The following ACAD11 variants were observed in gnomAD, a reference collection of about 807,000 sequenced individuals.
ACAD11 encodes the protein acyl-Coenzyme A dehydrogenase family, member 11.
A neutral mutation model predicts 102.2 loss-of-function variants in ACAD11; 83 were observed. That is an observed-to-expected ratio of 0.81 (90% confidence interval 0.68 to 0.97). The LOEUF (loss-of-function observed/expected upper bound fraction) is 0.97. Among genes scored for constraint, ACAD11 ranks in the 50% least tolerant of loss-of-function variants. The pLI, the probability that ACAD11 is intolerant of heterozygous loss-of-function variation, is 0.00. For synonymous variants in ACAD11, 324 were observed against 319.8 expected, an observed-to-expected ratio of 1.01 and a Z score of -0.14; for missense variants, 901 against 951.7, an observed-to-expected ratio of 0.95 and a Z score of 0.70.
At chr3:132,592,149 A>G (rs1179483219) in intron 13 of ACAD11, among the ~76,000 whole-genome samples, 1 of 152,144 alleles carries the variant, frequency 6.6e-6, no homozygotes, top group Non-Finnish European at 1.5e-5. Flanking sequence ...GTATTTAACA[A>G]TGATGTTTCA....
intron 1 of ACAD11, 154 bp downstream of exon 1, chr3:132,659,449 G>T: frequency 9.5e-7 from 1 of 1,053,630 alleles, no homozygotes; most frequent in Non-Finnish European, 1.3e-6. Context: ...AATTCGGAGG[G>T]CCGGCAATAG....
At chr3:132,592,730 C>A (rs1938131376) in intron 13 of ACAD11, among the ~76,000 whole-genome samples, 1 of 152,168 alleles carries the variant, frequency 6.6e-6, no homozygotes, top group African/African-American at 2.4e-5. Flanking sequence ...ACCTGAACTT[C>A]ATTTGGTTTT....
At chr3:132,586,361 G>C (rs1937824819) in intron 13 of ACAD11, among the ~76,000 whole-genome samples, 1 of 152,152 alleles carries the variant, frequency 6.6e-6, no homozygotes, top group African/African-American at 2.4e-5. Context: ...GGAGGCAGGA[G>C]AGATAGCATT....
intron 14 of ACAD11, 175 bp downstream of exon 14, chr3:132,579,317 G>T: frequency 1.5e-6 from 1 of 646,576 alleles, no homozygotes; most frequent in Non-Finnish European, 2.6e-6. Context: ...TCCCTATAAT[G>T]TTTTCCAAAA....
chr3:132,581,335 T>C (rs1937594403), intron 13 of ACAD11, among the ~76,000 whole-genome samples: 1 of 151,994 alleles, frequency 6.6e-6, no homozygotes, highest in East Asian at 1.9e-4. Context: ...TATTATGTAC[T>C]TTTTCTCAAA....
chr3:132,593,729 A>T (rs1938180163), intron 13 of ACAD11, among the ~76,000 whole-genome samples: 1 of 152,168 alleles, frequency 6.6e-6, no homozygotes, highest in Non-Finnish European at 1.5e-5. Flanking sequence ...ACATAGCAAA[A>T]TGACAGTACA....
intron 13 of ACAD11, among the ~76,000 whole-genome samples, chr3:132,593,322 C>T (rs62291489): frequency 0.029 from 4,404 of 152,020 alleles, 104 homozygotes; most frequent in Non-Finnish European, 0.048. Context: ...GGGCAAAGAA[C>T]ACAATTGCAA....
chr3:132,627,867 G>T (rs1268055066), intron 8 of ACAD11, among the ~76,000 whole-genome samples: 1 of 152,250 alleles, frequency 6.6e-6, no homozygotes, highest in African/African-American at 2.4e-5. Context: ...GTAAGCAATG[G>T]GAATGAAACT....
chr3:132,623,010 A>C (rs546295931), intron 9 of ACAD11, among the ~76,000 whole-genome samples: 1 of 152,210 alleles, frequency 6.6e-6, no homozygotes, highest in Non-Finnish European at 1.5e-5. Flanking sequence ...CCTGTTTTAC[A>C]TGCTATTTTT....
At chr3:132,630,014 G>C (rs1396325428) in intron 7 of ACAD11, among the ~76,000 whole-genome samples, 1 of 151,780 alleles carries the variant, frequency 6.6e-6, no homozygotes, top group Non-Finnish European at 1.5e-5. Flanking sequence ...CTGTATACTA[G>C]ATACTGTGCT....
intron 5 of ACAD11, among the ~76,000 whole-genome samples, chr3:132,639,263 T>C (rs1009988866): frequency 3.3e-5 from 5 of 152,180 alleles, no homozygotes; most frequent in African/African-American, 1.2e-4. Context: ...TTTTAAGCAG[T>C]AAACCAGATA....
chr3:132,611,627 G>C (rs545042730), intron 11 of ACAD11, among the ~76,000 whole-genome samples: 5 of 152,038 alleles, frequency 3.3e-5, no homozygotes, highest in South Asian at 2.1e-4. Flanking sequence ...ATTCACAATT[G>C]CTTCAAAGAG....
chr3:132,566,837 G>C (rs551615923), intron 17 of ACAD11, among the ~76,000 whole-genome samples: 1 of 152,206 alleles, frequency 6.6e-6, no homozygotes, highest in South Asian at 2.1e-4. Flanking sequence ...AAAGAAGAAA[G>C]AACACAATAA....
At chr3:132,638,386 TTAAAA>T (rs1940353058) in intron 5 of ACAD11, among the ~76,000 whole-genome samples, 1 of 152,062 alleles carries the variant, frequency 6.6e-6, no homozygotes, top group Non-Finnish European at 1.5e-5. Context: ...AAACAAAAAG[TTAAAA>T]TAAAAATAGA....
intron 8 of ACAD11, among the ~76,000 whole-genome samples, chr3:132,627,338 T>G (rs1411428090): frequency 6.6e-6 from 1 of 152,178 alleles, no homozygotes; most frequent in African/African-American, 2.4e-5. Flanking sequence ...AATGTGTCTG[T>G]GTGCCTAATT....
chr3:132,579,008 G>A lies in ACAD11; in HGVS notation c.1689-127C>T, dbSNP rs756912274. On this transcript the variant is annotated intron_variant, in intron 14 of 19. Transcript: ENST00000264990. ...CATGTAAGCAGTGATGACTGGAATGGGAACTGTGTAAAAGACGTACACCAA... is the reference window on the plus strand; with the variant it reads ...CATGTAAGCAGTGATGACTGGAATGAGAACTGTGTAAAAGACGTACACCAA... 5.9e-6 allele frequency: 9 copies of A among 1,528,906 alleles called. No individual in the cohort carries two copies. The East Asian group carries it at 2.0e-4, about 34-fold the overall frequency. 94.7% of individuals were successfully genotyped at this position (1,528,906 alleles called of 1,614,324 possible).
At chr3:132,628,964 A>G (rs1939928613) in intron 7 of ACAD11, among the ~76,000 whole-genome samples, 1 of 152,194 alleles carries the variant, frequency 6.6e-6, no homozygotes, top group Non-Finnish European at 1.5e-5. Flanking sequence ...TACTTTCAAC[A>G]TAATAAACTC....
At chr3:132,570,767 T>C (rs1331962701) in intron 17 of ACAD11, among the ~76,000 whole-genome samples, 19 of 152,170 alleles carry the variant, frequency 1.2e-4, no homozygotes, top group Non-Finnish European at 2.8e-4. Flanking sequence ...TGGTATTTAG[T>C]TTTCTGTTCC....
intron 16 of ACAD11, 152 bp from the exon 17 acceptor site, chr3:132,576,078 G>A: frequency 1.3e-6 from 1 of 770,552 alleles, no homozygotes; most frequent in Non-Finnish European, 2.0e-6. Context: ...GGTTCACTAT[G>A]AATTCATGGG....
Sources: gnomAD v4.1 joint callset for allele counts (sites outside exome capture counted in the v4.1 genomes callset) on GRCh38, gnomAD v4.1.1 for gene constraint, MANE v1.5 for transcripts, NCBI Gene and HGNC (gene_info 2026-07-23, HGNC 2026-07-21) for gene names.